PARD3B: variants seen among roughly 807,000 people sequenced by gnomAD.
PARD3B encodes partitioning defective 3 homolog B.
PARD3B carries 103 observed loss-of-function variants against 130.2 expected under a neutral mutation model. The observed-to-expected ratio is 0.79, with a 90% CI of 0.67 to 0.93. The LOEUF is 0.93. PARD3B is among the 40% of genes least tolerant of loss of function. The pLI is 0.00. For missense variants in PARD3B, 1,609 were observed against 1,499.2 expected, an observed-to-expected ratio of 1.07 and a Z score of -1.21; for synonymous variants, 583 against 553.2, an observed-to-expected ratio of 1.05 and a Z score of -0.76.
At chr2:205,332,878 C>A (rs1360082611) in intron 18 of PARD3B, among the ~76,000 whole-genome samples, 16 of 152,096 alleles carry the variant, frequency 1.1e-4, no homozygotes, top group Admixed American at 1.0e-3. Flanking sequence ...GTATTATTAT[C>A]CACATTTTAT....
intron 3 of PARD3B, among the ~76,000 whole-genome samples, chr2:205,043,997 C>T (rs1355979097): frequency 6.7e-6 from 1 of 148,872 alleles, no homozygotes; most frequent in Non-Finnish European, 1.5e-5. Context: ...TGATGTTCCC[C>T]TTCCTGTGTC....
intron 2 of PARD3B, among the ~76,000 whole-genome samples, chr2:204,724,836 G>C (rs977065898): frequency 6.6e-6 from 1 of 151,590 alleles, no homozygotes; most frequent in Non-Finnish European, 1.5e-5. Flanking sequence ...ATCGAATAGT[G>C]GGGGGCGGGG....
chr2:205,355,805 C>T lies in PARD3B; in HGVS notation c.2631-45208C>T, dbSNP rs372445119. ...GGAGACTTACAATGATGGCAGAAAG[C>T]GAAGGGCAAGCAAGGCATCTTCTTC... On this transcript the variant is annotated intron_variant, in intron 18 of 22. Transcript: ENST00000406610. Among the ~76,000 whole-genome samples, 845 of 152,168 alleles carry T rather than the reference C, an allele frequency of 5.6e-3. 11 individuals carry two copies. The highest frequency in any genetic ancestry group is 0.019 in the African/African-American group (800 of 41,518).
chr2:205,438,527 A>G (rs778541262), intron 19 of PARD3B, among the ~76,000 whole-genome samples: 2 of 152,198 alleles, frequency 1.3e-5, no homozygotes, highest in East Asian at 1.9e-4. Flanking sequence ...TCTATTTGCA[A>G]TGGAAATCCA....
chr2:205,053,641 C>CA lies in PARD3B; in HGVS notation c.504+5967dup, dbSNP rs777534366. Among the ~76,000 whole-genome samples the CA allele has an allele frequency of 8.2e-3, 944 of 114,962 alleles. 3 individuals carry two copies. Among genetic ancestry groups the CA allele is most frequent in the African/African-American group, 0.017 (518 of 31,064 alleles). The allele number at this position is 114,962 out of a possible 152,430, so 75.4% of individuals were successfully genotyped here. ...GGCAGCAACAGTGAAAACTCCATCTCAAAAAAAAAAAAAAAATTCCAACAT... is the reference window on the plus strand; with the variant it reads ...GGCAGCAACAGTGAAAACTCCATCTCAAAAAAAAAAAAAAAAATTCCAACAT... On this transcript the variant is annotated intron_variant, in intron 4 of 22. Coordinates refer to ENST00000406610, the MANE Select transcript of PARD3B (RefSeq NM_001302769.2).
intron 5 of PARD3B, among the ~76,000 whole-genome samples, chr2:205,110,989 C>T (rs1255694758): frequency 2.6e-5 from 4 of 152,088 alleles, no homozygotes; most frequent in Admixed American, 6.6e-5. Flanking sequence ...AACTCCATCA[C>T]GTATTTCTAG....
chr2:204,695,492 G>A (rs1400225590), intron 2 of PARD3B, among the ~76,000 whole-genome samples: 1 of 152,022 alleles, frequency 6.6e-6, no homozygotes, highest in Non-Finnish European at 1.5e-5. Flanking sequence ...ATTGTAGAGT[G>A]TCATGTGGCA....
chr2:204,784,395 T>C (rs908178391), intron 2 of PARD3B, among the ~76,000 whole-genome samples: 1 of 152,178 alleles, frequency 6.6e-6, no homozygotes, highest in Non-Finnish European at 1.5e-5. Flanking sequence ...TTGTAGATTA[T>C]TGGATTCCTG....
chr2:205,536,233 A>T (rs183544699), intron 21 of PARD3B, among the ~76,000 whole-genome samples: 211 of 148,012 alleles, frequency 1.4e-3, no homozygotes, highest in Non-Finnish European at 2.7e-3. Flanking sequence ...TGCTATTGGA[A>T]ATGATGGAGG....
intron 2 of PARD3B, among the ~76,000 whole-genome samples, chr2:204,918,835 T>C (rs918863524): frequency 6.6e-6 from 1 of 152,034 alleles, no homozygotes; most frequent in African/African-American, 2.4e-5. Flanking sequence ...ATGTTCTATC[T>C]AGTCCCAAGT....
intron 21 of PARD3B, among the ~76,000 whole-genome samples, chr2:205,536,991 GATT>G (rs1173111300): frequency 6.6e-6 from 1 of 152,016 alleles, no homozygotes; most frequent in Non-Finnish European, 1.5e-5. Flanking sequence ...CATCCTAATG[GATT>G]ATACCATAAG....
chr2:204,720,868 G>A (rs1254571503), intron 2 of PARD3B, among the ~76,000 whole-genome samples: 4 of 152,080 alleles, frequency 2.6e-5, no homozygotes, highest in South Asian at 2.1e-4. Context: ...AGCATCTTGC[G>A]CTCAGATGTT....
rs1271701193 is a variant in PARD3B at position 205,525,789 on chromosome 2, ACT to A, written c.3180+25764_3180+25765del. On this transcript the variant is annotated intron_variant, in intron 21 of 22. Coordinates refer to ENST00000406610, the MANE Select transcript of PARD3B (RefSeq NM_001302769.2). The surrounding 1 kb of genome is among the most constrained non-coding windows in gnomAD (Gnocchi z 4.2). Reference sequence around the variant, plus strand: ...AATGAGAATCTCGACAAAGGGCCTGACTCTCTCCCCTTCCAGCCCCTTCGCTA... The same window carrying A: ...AATGAGAATCTCGACAAAGGGCCTGACTCTCCCCTTCCAGCCCCTTCGCTA... Among the ~76,000 whole-genome samples the A allele has an allele frequency of 6.6e-6, 1 of 151,664 alleles. No individual in the cohort carries two copies. The highest frequency in any genetic ancestry group is 1.5e-5 in the Non-Finnish European group (1 of 67,944).
chr2:205,576,807 C>A (rs12471061), intron 22 of PARD3B, among the ~76,000 whole-genome samples: 144,895 of 152,274 alleles, frequency 0.95, 69,364 homozygotes, highest in East Asian at 1. Flanking sequence ...TAAACTTTAG[C>A]ATCAGTTTGT....
chr2:204,915,731 G>A (rs943934267), intron 2 of PARD3B, among the ~76,000 whole-genome samples: 4 of 152,152 alleles, frequency 2.6e-5, no homozygotes, highest in African/African-American at 7.2e-5. Flanking sequence ...TCCATCTTGA[G>A]AGATTTTTGT....
chr2:204,674,356 A>C (rs1345538333), intron 1 of PARD3B, among the ~76,000 whole-genome samples: 1 of 152,158 alleles, frequency 6.6e-6, no homozygotes, highest in Non-Finnish European at 1.5e-5. Flanking sequence ...CTTTTTAGCT[A>C]TACCTGTGAT....
chr2:204,930,509 C>G (rs373592287), intron 2 of PARD3B, among the ~76,000 whole-genome samples: 1 of 151,924 alleles, frequency 6.6e-6, no homozygotes. Context: ...TCCATAGATA[C>G]GGAGGGCTGA....
chr2:204,980,985 G>A (rs1480597248), intron 3 of PARD3B, among the ~76,000 whole-genome samples: 5 of 152,114 alleles, frequency 3.3e-5, no homozygotes, highest in Admixed American at 6.6e-5. Context: ...TGTTAACATA[G>A]GGGAAACTCG....
At chr2:204,738,850 T>C (rs1194774507) in intron 2 of PARD3B, among the ~76,000 whole-genome samples, 2 of 152,214 alleles carry the variant, frequency 1.3e-5, no homozygotes, top group Non-Finnish European at 2.9e-5. Context: ...GAAAACTGTT[T>C]TTAAATGGCT....
Sources: allele counts gnomAD v4.1 joint callset (sites outside exome capture counted in the v4.1 genomes callset), GRCh38; gene constraint gnomAD v4.1.1; non-coding constraint Gnocchi (gnomAD v3.1); transcripts MANE v1.5; gene names NCBI Gene and HGNC (gene_info 2026-07-23, HGNC 2026-07-21).